The following SCML2 variants were observed in gnomAD, a reference collection of about 807,000 sequenced individuals.
SCML2 encodes the protein Scm polycomb group protein like 2.
A neutral mutation model predicts 48.4 loss-of-function variants in SCML2; 6 were observed. The ratio of observed to expected loss-of-function variants is 0.12; its 90% CI spans 0.07 to 0.24. The LOEUF (loss-of-function observed/expected upper bound fraction) is 0.24, where lower values mean the gene tolerates loss of function less well. SCML2 is among the 10% of genes least tolerant of loss of function. The probability of loss-of-function intolerance (pLI) is 1.00; values close to 1 mark genes in which losing one functional copy is unlikely to be tolerated. For synonymous variants in SCML2, 181 were observed against 189.5 expected, an observed-to-expected ratio of 0.95 and a Z score of 0.37; for missense variants, 377 against 528.2, an observed-to-expected ratio of 0.71 and a Z score of 2.81.
At chrX:18,306,894 C>T (rs1928774706) in intron 6 of SCML2, among the ~76,000 whole-genome samples, 1 of 110,692 alleles carries the variant, frequency 9.0e-6, no homozygotes, top group African/African-American at 3.3e-5. Flanking sequence ...GTCTCGAACT[C>T]CTGGCCTAAA....
intron 13 of SCML2, among the ~76,000 whole-genome samples, chrX:18,244,182 A>G (rs968742977): frequency 8.9e-6 from 1 of 111,955 alleles, no homozygotes; most frequent in African/African-American, 3.2e-5. Context: ...AAATTCTGCT[A>G]GGCTGTATCA....
intron 7 of SCML2, among the ~76,000 whole-genome samples, chrX:18,295,723 C>G (rs949463901): frequency 9.2e-6 from 1 of 108,172 alleles, no homozygotes; most frequent in African/African-American, 3.4e-5. Context: ...AGAACAGGCA[C>G]GCTCGGCCCT....
chrX:18,249,198 C>G (rs1926557840), intron 11 of SCML2, among the ~76,000 whole-genome samples: 2 of 111,746 alleles, frequency 1.8e-5, no homozygotes, highest in Admixed American at 9.5e-5. Context: ...TAAAGACTTG[C>G]AACAATCCAA....
At chrX:18,251,112 G>C (rs779318043) in intron 11 of SCML2, among the ~76,000 whole-genome samples, 463 of 108,742 alleles carry the variant, frequency 4.3e-3, no homozygotes, top group Non-Finnish European at 7.1e-3. Context: ...TGAGATTTGG[G>C]TGGGGACACA....
At chrX:18,326,285 G>A (rs1221216599) in intron 3 of SCML2, among the ~76,000 whole-genome samples, 1 of 112,104 alleles carries the variant, frequency 8.9e-6, no homozygotes, top group Non-Finnish European at 1.9e-5. Context: ...AGATCTAAGA[G>A]ACCGTTTCAT....
intron 1 of SCML2, among the ~76,000 whole-genome samples, chrX:18,343,938 A>AG (rs1377063889): frequency 2.8e-5 from 3 of 106,315 alleles, no homozygotes; most frequent in Non-Finnish European, 3.9e-5. Context: ...AAAAAAAAAA[A>AG]AAAAGAAAGA....
Position 18,277,957 on chromosome X carries a change from G to A in SCML2, c.731-12155C>T, listed in dbSNP as rs1384051161. Among the ~76,000 whole-genome samples, 10 of 110,286 alleles carry A rather than the reference G, an allele frequency of 9.1e-5. No homozygotes were observed. In the South Asian group the frequency reaches 2.0e-3, roughly 22 times the overall value. On this transcript the variant is annotated intron_variant, in intron 7 of 14. Coordinates refer to ENST00000251900, the MANE Select transcript of SCML2 (RefSeq NM_006089.3). ...CGAGGCGGGAGGATCACTTGAGCTCGGGAGTTCGACATCAGCCTGGGCAAC... is the reference window on the plus strand; with the variant it reads ...CGAGGCGGGAGGATCACTTGAGCTCAGGAGTTCGACATCAGCCTGGGCAAC...
chrX:18,255,761 C>A (rs1206679131), intron 11 of SCML2, among the ~76,000 whole-genome samples: 1 of 112,851 alleles, frequency 8.9e-6, no homozygotes, highest in Non-Finnish European at 1.9e-5. Flanking sequence ...GTGGTACCCA[C>A]GCTTCACACT....
chrX:18,349,932 T>C (rs962341216), intron 1 of SCML2, among the ~76,000 whole-genome samples: 5 of 111,801 alleles, frequency 4.5e-5, no homozygotes, highest in Non-Finnish European at 9.4e-5. Flanking sequence ...ACATTTCAAA[T>C]CTTGATAGCT....
chrX:18,349,140 G>C (rs978832345), intron 1 of SCML2, among the ~76,000 whole-genome samples: 6 of 112,202 alleles, frequency 5.3e-5, no homozygotes, highest in African/African-American at 1.3e-4. Context: ...GCATCTTCAA[G>C]GTATGCCCTA....
intron 1 of SCML2, among the ~76,000 whole-genome samples, chrX:18,353,134 G>GAAAAAAA (rs149576101): frequency 3.6e-5 from 2 of 55,966 alleles, no homozygotes; most frequent in African/African-American, 6.4e-5. Flanking sequence ...CCATTAAATA[G>GAAAAAAA]AAAAAAAAAA....
chrX:18,248,585 C>A (rs1467492849), intron 11 of SCML2, among the ~76,000 whole-genome samples: 1 of 112,197 alleles, frequency 8.9e-6, no homozygotes, highest in Non-Finnish European at 1.9e-5. Flanking sequence ...GAGGGCCAGG[C>A]ATGCTTCTCA....
At chrX:18,329,189 A>G (rs760770702) in intron 3 of SCML2, among the ~76,000 whole-genome samples, 15 of 112,414 alleles carry the variant, frequency 1.3e-4, no homozygotes, top group Middle Eastern at 4.6e-3. Flanking sequence ...TAAAGCTGTT[A>G]TATTTTTAAA....
chrX:18,265,850 G>A, intron 7 of SCML2, 48 bp from the exon 8 acceptor site: 2 of 939,826 alleles, frequency 2.1e-6, no homozygotes, highest in South Asian at 4.5e-5. Context: ...CACAATTAAG[G>A]CATTGTCTCC....
At chrX:18,254,751 C>G (rs1351960095) in intron 11 of SCML2, among the ~76,000 whole-genome samples, 3 of 110,989 alleles carry the variant, frequency 2.7e-5, no homozygotes, top group Non-Finnish European at 3.8e-5. Flanking sequence ...AGGTGAAACT[C>G]CACCTCTACT....
At chrX:18,257,647 C>T (rs1361159539) in intron 10 of SCML2, among the ~76,000 whole-genome samples, 4 of 109,690 alleles carry the variant, frequency 3.6e-5, no homozygotes, top group African/African-American at 6.6e-5. Context: ...CAGCATTCTG[C>T]GAGGCCAAGG....
rs1458578617 is a variant in SCML2, at chrX:18,265,740, T to C, written c.793A>G (p.Met265Val). The C allele has an allele frequency of 4.1e-6, 5 of 1,211,062 alleles. No individual in the cohort carries two copies. Among genetic ancestry groups the C allele is most frequent in the African/African-American group, 1.7e-5 (1 of 57,785 alleles). ...SSPSEASQHS[M>V]QSPQKTTLIL... The stretch of plus-strand genomic sequence containing the variant: ...AGAGTAGTTTTCTGTGGAGACTGCA[T>C]TGAATGCTGGCTTGCTTCGGAAGGA... Residue 265 changes from methionine (M) to valine (V), a missense_variant, in exon 8 of 15, where the codon ATG becomes GTG. Met to Val is a conservative substitution (Grantham distance 21). Transcript: ENST00000251900.
chrX:18,313,683 G>A (rs752970041), intron 6 of SCML2, among the ~76,000 whole-genome samples: 9 of 111,230 alleles, frequency 8.1e-5, no homozygotes, highest in Non-Finnish European at 1.7e-4. Flanking sequence ...CTCCCATCCC[G>A]TATGGCAGCT....
rs757900520 is a variant in SCML2, at chrX:18,266,053, T to C, written c.731-251A>G. ...ATTAGAGGAATCAGTAACTTCAACT[T>C]AGCATGGTAAAAATTCCTAGCAACT... is the stretch of plus-strand genomic sequence containing the variant. On this transcript the variant is annotated intron_variant, in intron 7 of 14. Coordinates refer to ENST00000251900, the MANE Select transcript of SCML2 (RefSeq NM_006089.3). Among the ~76,000 whole-genome samples, 10 of 111,694 alleles carry C rather than the reference T, an allele frequency of 9.0e-5. No homozygotes were observed. In the East Asian group the frequency reaches 1.7e-3, roughly 19 times the overall value.
Sources: gnomAD v4.1 joint callset for allele counts (sites outside exome capture counted in the v4.1 genomes callset) on GRCh38, gnomAD v4.1.1 for gene constraint, MANE v1.5 for transcripts, NCBI Gene and HGNC (gene_info 2026-07-23, HGNC 2026-07-21) for gene names.